Variants in USP32 observed in about 807,000 individuals in gnomAD.
The protein encoded by USP32 is ubiquitin specific peptidase 32.
A neutral mutation model predicts 204.8 loss-of-function variants in USP32; 59 were observed. The observed-to-expected ratio is 0.29, with a 90% CI of 0.23 to 0.36. The LOEUF (loss-of-function observed/expected upper bound fraction) is 0.36, where lower values mean the gene tolerates loss of function less well. Among genes scored for constraint, USP32 ranks in the 10% least tolerant of loss-of-function variants. The pLI is 1.00. For synonymous variants in USP32, 517 were observed against 678.4 expected, an observed-to-expected ratio of 0.76 and a Z score of 3.70; for missense variants, 1,160 against 1,946.4, an observed-to-expected ratio of 0.60 and a Z score of 7.60.
At chr17:60,319,309 A>G (rs771272902) in intron 2 of USP32, among the ~76,000 whole-genome samples, 2 of 152,236 alleles carry the variant, frequency 1.3e-5, no homozygotes, top group East Asian at 3.8e-4. Flanking sequence ...GACTCAGATT[A>G]AGAATATTCA....
At position 60,339,305 on chromosome 17, in the gene USP32, G is replaced by A. The variant is rs146626088; in HGVS notation, c.186+6176C>T. ...TAAGTGCTAAAAGGTATAAATGGCC[G>A]AGCATGGTGGCTTACACCTGTAATC... On this transcript the variant is annotated intron_variant, in intron 2 of 33. Transcript: ENST00000300896. Among the ~76,000 whole-genome samples, 109 of 152,050 alleles carry A rather than the reference G, an allele frequency of 7.2e-4. No homozygotes were observed. The Middle Eastern group carries it at 0.037, about 52-fold the overall frequency.
intron 2 of USP32, among the ~76,000 whole-genome samples, chr17:60,303,008 A>G (rs980897193): frequency 1.3e-5 from 2 of 152,166 alleles, no homozygotes; most frequent in Non-Finnish European, 2.9e-5. Context: ...AGTCAATATG[A>G]AAACTGAAAA....
intron 1 of USP32, among the ~76,000 whole-genome samples, chr17:60,409,855 A>C (rs2090005332): frequency 6.6e-6 from 1 of 152,134 alleles, no homozygotes; most frequent in Admixed American, 6.5e-5. Flanking sequence ...TCACAAAAAA[A>C]CCCTCAATAT....
chr17:60,214,544 A>G, intron 17 of USP32, 76 bp downstream of exon 17: 1 of 1,431,904 alleles, frequency 7.0e-7, no homozygotes, highest in East Asian at 2.3e-5. Context: ...AAAGAAGTTT[A>G]GCAAATTTCT....
At chr17:60,407,806 A>AG (rs1341152046) in intron 1 of USP32, among the ~76,000 whole-genome samples, 35 of 147,966 alleles carry the variant, frequency 2.4e-4, no homozygotes, top group Admixed American at 4.0e-4. Context: ...AAAAAAAAAA[A>AG]GCAGAAACAG....
At chr17:60,234,992 C>T (rs1420914501) in intron 12 of USP32, among the ~76,000 whole-genome samples, 2 of 152,112 alleles carry the variant, frequency 1.3e-5, no homozygotes, top group African/African-American at 2.4e-5. Flanking sequence ...ACTACCCTCC[C>T]CAAATTTCTT....
intron 1 of USP32, among the ~76,000 whole-genome samples, chr17:60,402,393 G>A (rs573766622): frequency 5.8e-4 from 88 of 151,982 alleles, no homozygotes; most frequent in Non-Finnish European, 9.1e-4. Flanking sequence ...TGGGACCACA[G>A]GCACACACCA....
chr17:60,394,492 G>A (rs1174490379), upstream of USP32, among the ~76,000 whole-genome samples: 1 of 152,192 alleles, frequency 6.6e-6, no homozygotes, highest in Non-Finnish European at 1.5e-5. Context: ...CAGGACTAGA[G>A]TTGCAGTTTA....
intron 28 of USP32, among the ~76,000 whole-genome samples, chr17:60,191,121 G>A (rs2084368205): frequency 6.6e-6 from 1 of 152,090 alleles, no homozygotes; most frequent in Admixed American, 6.6e-5. Flanking sequence ...GTTTACAGGG[G>A]CCGGGCATGG....
At chr17:60,320,008 G>A (rs961109408) in intron 2 of USP32, among the ~76,000 whole-genome samples, 2 of 152,076 alleles carry the variant, frequency 1.3e-5, no homozygotes. Context: ...GGATGACTGC[G>A]TAAGTATCTT....
rs566262740 is a variant in USP32, at chr17:60,237,397, T to C, written c.1137-1157A>G. Among the ~76,000 whole-genome samples the C allele has an allele frequency of 1.8e-4, 27 of 151,558 alleles. 1 individual carries two copies. The South Asian group carries it at 5.4e-3, about 30-fold the overall frequency. ...CCCAAAAGTGTTGGGATTACAGACA[T>C]GAGCCACTGTGCCCAACCAAAAACT... On this transcript the variant is annotated intron_variant, in intron 11 of 33. Coordinates refer to ENST00000300896, the MANE Select transcript of USP32 (RefSeq NM_032582.4).
chr17:60,258,584 G>C (rs1567808835), intron 9 of USP32, among the ~76,000 whole-genome samples: 1 of 152,176 alleles, frequency 6.6e-6, no homozygotes, highest in Non-Finnish European at 1.5e-5. Flanking sequence ...GAATTGTAGG[G>C]TGTTGTATAC....
At position 60,225,966 on chromosome 17, in the gene USP32, A is replaced by AG. The variant is rs1001128461; in HGVS notation, c.1432+72_1432+73insC. ...AAACTCAGTCTCAAAAAAAAAAAAA[A>AG]AAAAGAAAAGAAAAGAAAGACCTAT... On this transcript the variant is annotated intron_variant, in intron 13 of 33. Transcript: ENST00000300896. The AG allele has an allele frequency of 8.4e-6, 12 of 1,436,464 alleles. No individual in the cohort carries two copies. The African/African-American group carries it at 9.5e-5, about 11-fold the overall frequency. 89.0% of individuals were successfully genotyped at this position (1,436,464 alleles called of 1,614,324 possible).
At chr17:60,387,307 G>A (rs1283996971) in intron 1 of USP32, among the ~76,000 whole-genome samples, 1 of 152,152 alleles carries the variant, frequency 6.6e-6, no homozygotes, top group Non-Finnish European at 1.5e-5. Context: ...GAAAAGTACT[G>A]AATTATCAAC....
chr17:60,338,087 G>A (rs1487573499), intron 2 of USP32, among the ~76,000 whole-genome samples: 1 of 152,142 alleles, frequency 6.6e-6, no homozygotes, highest in South Asian at 2.1e-4. Flanking sequence ...CCCCTGGGAG[G>A]CTAGGACAGG....
intron 2 of USP32, among the ~76,000 whole-genome samples, chr17:60,319,105 A>G (rs906821129): frequency 6.6e-6 from 1 of 152,188 alleles, no homozygotes; most frequent in African/African-American, 2.4e-5. Context: ...GGTTGGGAGC[A>G]TTAATGGTTA....
intron 5 of USP32, among the ~76,000 whole-genome samples, chr17:60,273,161 T>C (rs182063217): frequency 4.6e-5 from 7 of 152,196 alleles, no homozygotes; most frequent in African/African-American, 1.7e-4. Context: ...TTAGTAGAGA[T>C]GGAGTTTCGC....
intron 3 of USP32, 74 bp from the exon 4 acceptor site, chr17:60,294,875 G>C (rs1291311402): frequency 1.1e-6 from 1 of 911,384 alleles, no homozygotes; most frequent in African/African-American, 1.7e-5. Flanking sequence ...AGGGAGAAAA[G>C]ACAAAGCTAC....
At position 60,198,405 on chromosome 17, in the gene USP32, G is replaced by A. The variant is rs371066801; in HGVS notation, c.3289C>T (p.Arg1097Cys). The A allele has an allele frequency of 8.1e-6, 13 of 1,613,994 alleles. No homozygotes were observed. The highest frequency in any genetic ancestry group is 1.3e-5 in the African/African-American group (1 of 74,920). ...AATGGCATTCCAAAGAGGCTGGGGC[G>A]ATTCTTCTGAGATGACAGGAAATAC... ...ELYFLSSQKN[R>C]PSLFGMPLIV... The change falls in exon 27 of 34, where the codon CGC becomes TGC. Residue 1097 changes from arginine (R) to cysteine (C), a missense_variant. Transcript: ENST00000300896.
Sources: gnomAD v4.1 joint callset for allele counts (sites outside exome capture counted in the v4.1 genomes callset) on GRCh38, gnomAD v4.1.1 for gene constraint, MANE v1.5 for transcripts, NCBI Gene and HGNC (gene_info 2026-07-23, HGNC 2026-07-21) for gene names.